HIP1: variants seen among roughly 807,000 people sequenced by gnomAD.
HIP1 encodes the protein huntingtin-interacting protein 1.
HIP1 carries 65 observed loss-of-function variants against 147.6 expected under a neutral mutation model. That is an observed-to-expected ratio of 0.44 (90% confidence interval 0.36 to 0.54). The LOEUF (loss-of-function observed/expected upper bound fraction) is 0.54. Among genes scored for constraint, HIP1 ranks in the 20% least tolerant of loss-of-function variants. HIP1 has a pLI of 0.00. For synonymous variants in HIP1, 479 were observed against 504.0 expected, an observed-to-expected ratio of 0.95 and a Z score of 0.67; for missense variants, 1,061 against 1,299.6, an observed-to-expected ratio of 0.82 and a Z score of 2.82.
intron 7 of HIP1, among the ~76,000 whole-genome samples, chr7:75,579,472 AGTAGAGACAGGGTTTCACCAT>A (rs1795960907): frequency 6.6e-6 from 1 of 152,022 alleles, no homozygotes; most frequent in Admixed American, 6.6e-5. Context: ...TTGTATTTTT[AGTAGAGACAGGGTTTCACCAT>A]GTTGCCCAGG....
chr7:75,676,531 C>A (rs1167304178), intron 1 of HIP1, among the ~76,000 whole-genome samples: 1 of 152,062 alleles, frequency 6.6e-6, no homozygotes, highest in Middle Eastern at 3.4e-3. Flanking sequence ...AATCCCAGCA[C>A]TTTGGGAGGC....
chr7:75,553,031 TG>T, intron 22 of HIP1, among the ~76,000 whole-genome samples: 1 of 151,928 alleles, frequency 6.6e-6, no homozygotes, highest in Non-Finnish European at 1.5e-5. Context: ...CTCCACCTCC[TG>T]GGTTCAAGCA....
chr7:75,550,421 T>G (rs868969275), intron 22 of HIP1, among the ~76,000 whole-genome samples: 1 of 152,172 alleles, frequency 6.6e-6, no homozygotes, highest in Non-Finnish European at 1.5e-5. Context: ...TTTATTTTTA[T>G]TTTTTAAAGA....
intron 1 of HIP1, among the ~76,000 whole-genome samples, chr7:75,693,964 G>A (rs1171156102): frequency 1.6e-5 from 2 of 122,806 alleles, no homozygotes; most frequent in African/African-American, 6.6e-5. Flanking sequence ...CTGCCACCCA[G>A]GCTGGAGTGC....
At position 75,605,039 on chromosome 7, in the gene HIP1, A is replaced by G. The variant is rs587603166; in HGVS notation, c.121-5792T>C. ...AACCTTTTAAACTGAGACACTGCTC[A>G]AGGAAGACTTCTTAAAGGGAAAGGA... is the stretch of plus-strand genomic sequence containing the variant. On this transcript the variant is annotated intron_variant, in intron 1 of 30. Transcript: ENST00000336926. Among the ~76,000 whole-genome samples, 6 of 152,282 alleles carry G rather than the reference A, an allele frequency of 3.9e-5. No homozygotes were observed. The South Asian group carries it at 1.0e-3, about 26-fold the overall frequency.
intron 13 of HIP1, 41 bp from the exon 14 acceptor site, chr7:75,559,956 C>A: frequency 1.3e-6 from 2 of 1,523,134 alleles, no homozygotes; most frequent in Non-Finnish European, 1.8e-6. Context: ...CGCCCACTGC[C>A]ACGGGTCACG....
At position 75,703,969 on chromosome 7, in the gene HIP1, C is replaced by T. The variant is rs140268908; in HGVS notation, c.120+34832G>A. 2.4e-4 allele frequency among the ~76,000 whole-genome samples: 36 copies of T among 152,228 alleles called. No individual in the cohort carries two copies. In the East Asian group the frequency reaches 7.0e-3, roughly 29 times the overall value. On this transcript the variant is annotated intron_variant, in intron 1 of 30. Transcript: ENST00000336926. ...AGAGTCTAGGGAAAAGCCAGGGCCC[C>T]GGGCCTGGGCTGCATAGGTGTGCCA...
At chr7:75,684,372 C>T (rs953902878) in intron 1 of HIP1, among the ~76,000 whole-genome samples, 1 of 145,900 alleles carries the variant, frequency 6.9e-6, no homozygotes, top group Non-Finnish European at 1.5e-5. Flanking sequence ...AGTTTGAACC[C>T]GGGAGGCAGA....
Position 75,600,682 on chromosome 7 carries a change from C to G in HIP1, c.121-1435G>C, listed in dbSNP as rs185483719. 2.6e-5 allele frequency among the ~76,000 whole-genome samples: 4 copies of G among 152,274 alleles called. No individual in the cohort carries two copies. The East Asian group carries it at 7.7e-4, about 29-fold the overall frequency. On this transcript the variant is annotated intron_variant, in intron 1 of 30. Transcript: ENST00000336926. ...ATTAGATTGTCATATATAGACTTCT[C>G]TACATCTTGGTTTTCTTGAATGTAT... is the stretch of plus-strand genomic sequence containing the variant.
rs371112735 is a variant in HIP1 at position 75,628,682 on chromosome 7, T to C, written c.121-29435A>G. ...TTAGTAGAGACGGGGTTTCACCATGTTGGCTGAGCTGGTTTCAAATTCCTG... is the reference window on the plus strand; with the variant it reads ...TTAGTAGAGACGGGGTTTCACCATGCTGGCTGAGCTGGTTTCAAATTCCTG... On this transcript the variant is annotated intron_variant, in intron 1 of 30. Coordinates refer to ENST00000336926, the MANE Select transcript of HIP1 (RefSeq NM_005338.7). Among the ~76,000 whole-genome samples the C allele has an allele frequency of 2.3e-3, 348 of 152,354 alleles. 1 individual carries two copies. The highest frequency in any genetic ancestry group is 7.8e-3 in the African/African-American group (325 of 41,580).
rs373636766 is a variant in HIP1 at position 75,715,383 on chromosome 7, C to T, written c.120+23418G>A. Among the ~76,000 whole-genome samples the T allele has an allele frequency of 4.1e-5, 6 of 146,536 alleles. No individual in the cohort carries two copies. In the East Asian group the frequency reaches 1.0e-3, roughly 25 times the overall value. Reference sequence around the variant, plus strand: ...TCCAGCCTGGGTGACAGAATGAGACCCTGAGAAAAAAAGGGTGAAAAGAAG... The same window carrying T: ...TCCAGCCTGGGTGACAGAATGAGACTCTGAGAAAAAAAGGGTGAAAAGAAG... On this transcript the variant is annotated intron_variant, in intron 1 of 30. Transcript: ENST00000336926.
At chr7:75,647,523 C>T (rs1479605155) in intron 1 of HIP1, among the ~76,000 whole-genome samples, 3 of 152,164 alleles carry the variant, frequency 2.0e-5, no homozygotes, top group African/African-American at 4.8e-5. Context: ...TTGGGACTTT[C>T]GCTGCTGCTA....
intron 7 of HIP1, among the ~76,000 whole-genome samples, chr7:75,579,990 C>T (rs187620744): frequency 4.4e-4 from 67 of 152,238 alleles, no homozygotes; most frequent in East Asian, 2.1e-3. Flanking sequence ...GGGGAGGAGA[C>T]GCGCTGGAGA....
intron 1 of HIP1, among the ~76,000 whole-genome samples, chr7:75,671,688 C>T (rs1362802901): frequency 6.6e-6 from 1 of 152,096 alleles, no homozygotes; most frequent in African/African-American, 2.4e-5. Flanking sequence ...CAATCATGCA[C>T]AAGGATTCCA....
At chr7:75,601,067 C>G (rs782732549) in intron 1 of HIP1, among the ~76,000 whole-genome samples, 1 of 152,144 alleles carries the variant, frequency 6.6e-6, no homozygotes, top group African/African-American at 2.4e-5. Context: ...CAGGAATTAC[C>G]TTTAAACTTT....
At chr7:75,722,746 TA>T (rs1223273090) in intron 1 of HIP1, among the ~76,000 whole-genome samples, 10 of 152,088 alleles carry the variant, frequency 6.6e-5, no homozygotes, top group East Asian at 5.8e-4. Context: ...TAGCACTTGA[TA>T]AAAAAAAATT....
chr7:75,712,965 T>TTCAC (rs1169787739), intron 1 of HIP1, among the ~76,000 whole-genome samples: 2 of 152,260 alleles, frequency 1.3e-5, no homozygotes, highest in Non-Finnish European at 2.9e-5. Flanking sequence ...CAACCATTCA[T>TTCAC]TCACTCACTC....
At position 75,561,206 on chromosome 7, in the gene HIP1, G is replaced by T. The variant is rs587678238; in HGVS notation, c.1191+123C>A. ...CGACCTCAGGTAATCCTCCTGCCTT[G>T]GCCTCCCAAAGTGCTAGGATTACAG... On this transcript the variant is annotated intron_variant, in intron 13 of 30. Transcript: ENST00000336926. The T allele has an allele frequency of 7.7e-6, 6 of 783,004 alleles. No individual in the cohort carries two copies. The South Asian group carries it at 8.7e-5, about 11-fold the overall frequency. The allele number at this position is 783,004 out of a possible 1,614,324, so 48.5% of individuals were successfully genotyped here.
chr7:75,571,932 G>C (rs587634723), intron 8 of HIP1, among the ~76,000 whole-genome samples: 1 of 152,148 alleles, frequency 6.6e-6, no homozygotes, highest in Non-Finnish European at 1.5e-5. Flanking sequence ...AAGAACTGGC[G>C]GGTGTGGTGG....
Sources: gnomAD v4.1 joint callset for allele counts (sites outside exome capture counted in the v4.1 genomes callset) on GRCh38, gnomAD v4.1.1 for gene constraint, MANE v1.5 for transcripts, NCBI Gene and HGNC (gene_info 2026-07-23, HGNC 2026-07-21) for gene names.